The following TBC1D16 variants were observed in gnomAD, a reference collection of about 807,000 sequenced individuals.
TBC1D16 encodes the protein CTD-2529O21.1.
A neutral mutation model predicts 74.7 loss-of-function variants in TBC1D16; 58 were observed. The observed-to-expected ratio is 0.78, with a 90% CI of 0.63 to 0.97. The LOEUF (loss-of-function observed/expected upper bound fraction) is 0.97, where lower values mean the gene tolerates loss of function less well. Ranked by LOEUF, TBC1D16 falls within the 50% of genes least tolerant of loss-of-function variation. The probability of loss-of-function intolerance (pLI) is 0.00; values close to 1 mark genes in which losing one functional copy is unlikely to be tolerated. For synonymous variants in TBC1D16, 493 were observed against 474.7 expected (o/e 1.04, Z -0.50); for missense variants, 1,014 against 1,079.5 (o/e 0.94, Z 0.85).
rs2031351066 is a variant in TBC1D16 at position 79,933,009 on chromosome 17, T to G, written c.*7850A>C. The G allele has an allele frequency of 6.6e-6, 1 of 152,210 alleles. No individual in the cohort carries two copies. The highest frequency in any genetic ancestry group is 1.5e-5 in the Non-Finnish European group (1 of 68,058). The allele number at this position is 152,210 out of a possible 1,614,324, so 9.4% of individuals were successfully genotyped here. ...TATTTTCAAAGCACTTCGTCTAAAT[T>G]GCATGGCACACACCCCAGGAGCCCA... On this transcript the variant is annotated 3_prime_UTR_variant, in exon 12 of 12. Transcript: ENST00000310924.
rs77874198 is a variant in TBC1D16 at position 80,007,128 on chromosome 17, C to T, written c.779+3032G>A. On this transcript the variant is annotated intron_variant, in intron 3 of 11. Transcript: ENST00000310924. This position sits in a 1 kb window ranked among gnomAD's most constrained non-coding sequence, Gnocchi z 4.5. ...CAAAGCTGCAACTCGCCACGTTCAGCGAGCCTCCCCTGGACCGGGCTGACA... is the reference window on the plus strand; with the variant it reads ...CAAAGCTGCAACTCGCCACGTTCAGTGAGCCTCCCCTGGACCGGGCTGACA... Among the ~76,000 whole-genome samples, 35 of 152,330 alleles carry T rather than the reference C, an allele frequency of 2.3e-4. No individual in the cohort carries two copies. Among genetic ancestry groups the T allele is most frequent in the Middle Eastern group, 6.8e-3 (2 of 294 alleles).
rs1037862189 is a variant in TBC1D16, at chr17:79,954,941, G to A, written c.780-2123C>T. ...GAAACCAGACAGAACACAGAGACTC[G>A]CTTTGGCAGTCACGGATGGAGGGCC... On this transcript the variant is annotated intron_variant, in intron 3 of 11. Transcript: ENST00000310924. This position sits in a 1 kb window ranked among gnomAD's most constrained non-coding sequence, Gnocchi z 5.5. Among the ~76,000 whole-genome samples the A allele has an allele frequency of 3.3e-5, 5 of 152,144 alleles. No individual in the cohort carries two copies. In the East Asian group the frequency reaches 9.7e-4, roughly 30 times the overall value.
chr17:79,982,067 G>A (rs1045473589), intron 3 of TBC1D16, among the ~76,000 whole-genome samples: 1 of 152,150 alleles, frequency 6.6e-6, no homozygotes, highest in Admixed American at 6.5e-5. Context: ...TTTGAGGGCC[G>A]CTTCCACGTT....
At chr17:80,004,017 C>T (rs1414755166) in intron 3 of TBC1D16, among the ~76,000 whole-genome samples, 4 of 152,178 alleles carry the variant, frequency 2.6e-5, no homozygotes, top group Admixed American at 6.5e-5. Flanking sequence ...CTGCCGCCAC[C>T]GTATGCCGGC....
At position 79,949,831 on chromosome 17, in the gene TBC1D16, C is replaced by A; in HGVS notation, c.1292G>T (p.Arg431Leu). 4 of 1,613,688 alleles carry A rather than the reference C, an allele frequency of 2.5e-6. No homozygotes were observed. Among genetic ancestry groups the A allele is most frequent in the Non-Finnish European group, 3.4e-6 (4 of 1,179,954 alleles). ...CAGCAGGAAGGGCCAGACCTCCCCG[C>A]GGATTGACACATCAATACCGCCAAA... Reference protein sequence around the residue: ...IFFGGIDVSIRGEVWPFLLRY... With the variant: ...IFFGGIDVSILGEVWPFLLRY... The change falls in exon 7 of 12, where the codon CGC (arginine) becomes CTC (leucine). Residue 431 changes from arginine to leucine, a missense_variant. By Grantham distance (102) the Arg-to-Leu change is moderately radical. Transcript: ENST00000310924.
At chr17:79,962,603 T>G (rs7220441) in intron 3 of TBC1D16, among the ~76,000 whole-genome samples, 61,550 of 151,926 alleles carry the variant, frequency 0.41, 12,752 homozygotes, top group East Asian at 0.64. Context: ...CCAGAACTCT[T>G]TTCATCTTGT....
chr17:79,939,100 G>A lies in TBC1D16; in HGVS notation c.*1759C>T, dbSNP rs901944692. The A allele has an allele frequency of 3.9e-5, 6 of 152,308 alleles. No homozygotes were observed. Among genetic ancestry groups the A allele is most frequent in the African/African-American group, 1.2e-4 (5 of 41,430 alleles). The allele number at this position is 152,308 out of a possible 1,614,324, so 9.4% of individuals were successfully genotyped here. ...GCAATGGATATAACTGGTTTCTAGCGGAGGGTCAGGGCAGAAGCTCCAGCC... is the reference window on the plus strand; with the variant it reads ...GCAATGGATATAACTGGTTTCTAGCAGAGGGTCAGGGCAGAAGCTCCAGCC... On this transcript the variant is annotated 3_prime_UTR_variant, in exon 12 of 12. Coordinates refer to ENST00000310924, the MANE Select transcript of TBC1D16 (RefSeq NM_019020.4).
At chr17:80,025,115 C>CACATACCATGACATACA (rs1378974240) in intron 1 of TBC1D16, among the ~76,000 whole-genome samples, 1 of 81,804 alleles carries the variant, frequency 1.2e-5, no homozygotes. Context: ...CACACAAACA[C>CACATACCATGACATACA]CACAGACACA....
intron 3 of TBC1D16, among the ~76,000 whole-genome samples, chr17:79,974,732 C>T (rs1481398387): frequency 3.3e-5 from 5 of 152,202 alleles, no homozygotes; most frequent in Admixed American, 2.0e-4. Flanking sequence ...TCTTCTCAGG[C>T]GTGGCACCCA....
In TBC1D16 at chr17:79,993,265, C is replaced by T. The variant is rs2035143675; in HGVS notation, c.779+16895G>A. Among the ~76,000 whole-genome samples the T allele has an allele frequency of 6.6e-6, 1 of 152,212 alleles. No homozygotes were observed. The highest frequency in any genetic ancestry group is 1.5e-5 in the Non-Finnish European group (1 of 68,040). ...GGGTAATAAGGTCAGGGATATGCCC[C>T]AGGCCGCCTGCTTCCACCAGCCAGT... On this transcript the variant is annotated intron_variant, in intron 3 of 11. Coordinates refer to ENST00000310924, the MANE Select transcript of TBC1D16 (RefSeq NM_019020.4). This position sits in a 1 kb window ranked among gnomAD's most constrained non-coding sequence, Gnocchi z 5.1.
At chr17:80,018,495 G>C (rs1189182361) in intron 1 of TBC1D16, among the ~76,000 whole-genome samples, 1 of 149,706 alleles carries the variant, frequency 6.7e-6, no homozygotes, top group Non-Finnish European at 1.5e-5. Context: ...TGTTAGCCAG[G>C]ATGGTCTCGA....
At chr17:80,034,781 C>T (rs2036898815) in intron 1 of TBC1D16, among the ~76,000 whole-genome samples, 1 of 152,208 alleles carries the variant, frequency 6.6e-6, no homozygotes, top group Admixed American at 6.6e-5. Context: ...TCTGATCAAT[C>T]AGTAACAGAT....
intron 3 of TBC1D16, among the ~76,000 whole-genome samples, chr17:79,962,090 A>T (rs1480167374): frequency 6.6e-6 from 1 of 152,050 alleles, no homozygotes; most frequent in East Asian, 1.9e-4. Flanking sequence ...ATAAAATTCT[A>T]GAAAAGGCAA....
At position 79,941,063 on chromosome 17, in the gene TBC1D16, G is replaced by T; in HGVS notation, c.2100C>A (p.Pro700=). The T allele has an allele frequency of 1.3e-6, 2 of 1,595,714 alleles. No individual in the cohort carries two copies. The highest frequency in any genetic ancestry group is 1.7e-6 in the Non-Finnish European group (2 of 1,171,108). Residue 700 remains proline (P), a synonymous_variant, in exon 12 of 12, where the codon CCC becomes CCA. Coordinates refer to ENST00000310924, the MANE Select transcript of TBC1D16 (RefSeq NM_019020.4). This position sits in a 1 kb window ranked among gnomAD's most constrained non-coding sequence, Gnocchi z 4.3. ...LYQFRLLPRI[P]CSLHDLCKLC... is the part of the protein sequence containing the mutation. ...GCTTACACAGATCGTGCAGGCTGCAGGGGATCCGGGGCAGGAGGCGGAACT... is the reference window on the plus strand; with the variant it reads ...GCTTACACAGATCGTGCAGGCTGCATGGGATCCGGGGCAGGAGGCGGAACT...
intron 1 of TBC1D16, among the ~76,000 whole-genome samples, chr17:80,024,698 CCACACACGA>C (rs1363850998): frequency 1.7e-4 from 1 of 5,870 alleles, no homozygotes; most frequent in Non-Finnish European, 4.4e-4. Context: ...GACACACATG[CCACACACGA>C]CACACCATAG....
intron 4 of TBC1D16, among the ~76,000 whole-genome samples, chr17:79,952,394 A>C (rs1033229685): frequency 1.3e-5 from 2 of 152,242 alleles, no homozygotes; most frequent in Non-Finnish European, 2.9e-5. Context: ...CTCCCAAGCC[A>C]GAGTTGCAAG....
chr17:80,013,690 C>T (rs535352173), intron 1 of TBC1D16, 81 bp from the exon 2 acceptor site: 4 of 868,818 alleles, frequency 4.6e-6, no homozygotes, highest in Admixed American at 6.4e-5. Context: ...CCTCGGCACC[C>T]GGTGGGTTCT....
chr17:79,949,951 G>T, intron 6 of TBC1D16, 86 bp from the exon 7 acceptor site: 2 of 1,486,592 alleles, frequency 1.3e-6, no homozygotes, highest in Non-Finnish European at 1.8e-6. Context: ...TGTTTTGGTG[G>T]TTTTTGGTGC....
chr17:80,016,406 T>C (rs1444144197), intron 1 of TBC1D16, among the ~76,000 whole-genome samples: 1 of 152,182 alleles, frequency 6.6e-6, no homozygotes, highest in African/African-American at 2.4e-5. Context: ...ATGGTTAAAG[T>C]GGTAAGTTTT....
Sources: gnomAD v4.1 joint callset for allele counts (sites outside exome capture counted in the v4.1 genomes callset) on GRCh38, gnomAD v4.1.1 for gene constraint, Gnocchi (gnomAD v3.1) non-coding constraint, MANE v1.5 for transcripts, NCBI Gene and HGNC (gene_info 2026-07-23, HGNC 2026-07-21) for gene names.